Variants in TTC28 observed in about 807,000 individuals in gnomAD.
TTC28 encodes the protein tetratricopeptide repeat domain 28, also known as tetratricopeptide repeat protein 28.
Under a neutral mutation model 198.0 loss-of-function variants are expected in TTC28, and 61 were observed. The observed-to-expected ratio is 0.31, with a 90% CI of 0.25 to 0.38. The LOEUF is 0.38. Ranked by LOEUF, TTC28 falls within the 10% of genes least tolerant of loss-of-function variation. The pLI is 1.00. For synonymous variants in TTC28, 1,171 were observed against 1,297.8 expected (o/e 0.90, Z 2.10); for missense variants, 2,678 against 3,164.0 (o/e 0.85, Z 3.69).
chr22:28,490,106 G>C (rs897970920), intron 2 of TTC28, among the ~76,000 whole-genome samples: 4 of 152,124 alleles, frequency 2.6e-5, no homozygotes, highest in Admixed American at 2.0e-4. Context: ...CATCTGATTA[G>C]ATGGTGCCCA....
At chr22:28,471,219 T>G (rs1471745677) in intron 2 of TTC28, among the ~76,000 whole-genome samples, 1 of 152,218 alleles carries the variant, frequency 6.6e-6, no homozygotes, top group African/African-American at 2.4e-5. Context: ...AAAACCATTA[T>G]CCTTCCATGT....
rs1601652647 is a variant in TTC28, at chr22:28,338,014, G to A, written c.382-31371C>T. On this transcript the variant is annotated intron_variant, in intron 2 of 22. Coordinates refer to ENST00000397906, the MANE Select transcript of TTC28 (RefSeq NM_001145418.2). ...TTTCCATGTTTAGTGCTTCCTTCAGGAGCTCTTTTAGGGCAGGCCTGGTGG... is the reference window on the plus strand; with the variant it reads ...TTTCCATGTTTAGTGCTTCCTTCAGAAGCTCTTTTAGGGCAGGCCTGGTGG... Among the ~76,000 whole-genome samples, 3 of 152,110 alleles carry A rather than the reference G, an allele frequency of 2.0e-5. No individual in the cohort carries two copies. The South Asian group carries it at 6.3e-4, about 32-fold the overall frequency.
At chr22:28,619,008 C>A (rs1398418717) in intron 2 of TTC28, among the ~76,000 whole-genome samples, 1 of 151,888 alleles carries the variant, frequency 6.6e-6, no homozygotes, top group Non-Finnish European at 1.5e-5. Context: ...AATACCTGAA[C>A]AGAATGCTTT....
chr22:28,160,814 G>C (rs1356816426), intron 6 of TTC28, among the ~76,000 whole-genome samples: 1 of 152,084 alleles, frequency 6.6e-6, no homozygotes, highest in East Asian at 1.9e-4. Context: ...ACAAAACTAA[G>C]TGCCACTTTT....
chr22:28,035,029 C>A (rs1939279237), intron 12 of TTC28, among the ~76,000 whole-genome samples: 1 of 152,170 alleles, frequency 6.6e-6, no homozygotes, highest in Non-Finnish European at 1.5e-5. Flanking sequence ...GCAAGAGGCT[C>A]CAGATAGGAT....
chr22:28,594,551 T>G (rs1429088305), intron 2 of TTC28, among the ~76,000 whole-genome samples: 1 of 147,960 alleles, frequency 6.8e-6, no homozygotes, highest in East Asian at 1.9e-4. Context: ...ATAATTCATT[T>G]TAAAGTAACA....
rs2051145080 is a variant in TTC28 at position 28,629,894 on chromosome 22, A to G, written c.103-64T>C. The G allele has an allele frequency of 2.9e-6, 4 of 1,397,400 alleles. No homozygotes were observed. The South Asian group carries it at 5.7e-5, about 20-fold the overall frequency. 86.6% of individuals were successfully genotyped at this position (1,397,400 alleles called of 1,614,324 possible). A position where few individuals can be genotyped will look rare whatever the true frequency, so the allele number is the denominator to read the frequency against. ...ATCCAGATGGGTTCCCCATCTGCTA[A>G]GATTTGGATGTCTGTCCCCTCCAGT... is the stretch of plus-strand genomic sequence containing the variant. On this transcript the variant is annotated intron_variant, in intron 1 of 22. Transcript: ENST00000397906.
chr22:27,984,004 G>A (rs892109681), intron 22 of TTC28, among the ~76,000 whole-genome samples, 153 bp from the exon 23 acceptor site: 1 of 152,160 alleles, frequency 6.6e-6, no homozygotes, highest in Non-Finnish European at 1.5e-5. Context: ...CAAAAACATG[G>A]TCCTGTTAGA....
chr22:28,037,651 T>C (rs566920409), intron 12 of TTC28, among the ~76,000 whole-genome samples: 11 of 152,266 alleles, frequency 7.2e-5, no homozygotes, highest in East Asian at 3.9e-4. Context: ...CAACATAGTG[T>C]TGGAAGTTCT....
chr22:28,391,715 G>C (rs932695326), intron 2 of TTC28, among the ~76,000 whole-genome samples: 2 of 152,132 alleles, frequency 1.3e-5, no homozygotes, highest in Non-Finnish European at 2.9e-5. Flanking sequence ...GCACTTCTCT[G>C]TATTGGTTAT....
In TTC28 at chr22:28,286,060, C is replaced by A. The variant is rs533591746; in HGVS notation, c.933+10138G>T. On this transcript the variant is annotated intron_variant, in intron 5 of 22. Transcript: ENST00000397906. The stretch of plus-strand genomic sequence containing the variant: ...TGTCACCCAGGCTGGAGTGCAGTGG[C>A]GTGATCTCGGCTCACCACAAGCTCC... Among the ~76,000 whole-genome samples, 17 of 151,582 alleles carry A rather than the reference C, an allele frequency of 1.1e-4. No homozygotes were observed. In the South Asian group the frequency reaches 2.5e-3, roughly 22 times the overall value.
intron 4 of TTC28, among the ~76,000 whole-genome samples, chr22:28,296,705 C>CA (rs778714315): frequency 6.6e-6 from 1 of 152,138 alleles, no homozygotes; most frequent in East Asian, 1.9e-4. Context: ...TCCAAATCTA[C>CA]AAAAAAATAT....
At chr22:28,060,805 C>T (rs1270862777) in intron 12 of TTC28, among the ~76,000 whole-genome samples, 1 of 152,140 alleles carries the variant, frequency 6.6e-6, no homozygotes, top group South Asian at 2.1e-4. Context: ...TCTCCACATC[C>T]TCTCCAGCAC....
intron 12 of TTC28, among the ~76,000 whole-genome samples, chr22:28,039,398 T>A (rs1240548282): frequency 6.6e-6 from 1 of 152,044 alleles, no homozygotes; most frequent in Non-Finnish European, 1.5e-5. Context: ...GAAACCATCA[T>A]TCTCAGCAAA....
rs1440314297 is a variant in TTC28 at position 28,105,774 on chromosome 22, C to T, written c.2812G>A (p.Val938Met). The T allele has an allele frequency of 2.6e-6, 4 of 1,551,410 alleles. No homozygotes were observed. Among genetic ancestry groups the T allele is most frequent in the Non-Finnish European group, 3.5e-6 (4 of 1,146,890 alleles). The stretch of plus-strand genomic sequence containing the variant: ...ACCACGAGCCTCTTTTCAAAGCACA[C>T]AAGGGCTTGCTGCAAGCTCCCCATT... ...RAMGSLQQAL[V>M]CFEKRLVVAH... The change falls in exon 8 of 23, where the codon GTG becomes ATG. Residue 938 changes from valine (V) to methionine (M), a missense_variant. By Grantham distance (21) the Val-to-Met change is conservative. Coordinates refer to ENST00000397906, the MANE Select transcript of TTC28 (RefSeq NM_001145418.2).
chr22:28,173,369 A>G (rs574575995), intron 5 of TTC28, among the ~76,000 whole-genome samples: 12 of 152,300 alleles, frequency 7.9e-5, no homozygotes, highest in African/African-American at 2.9e-4. Flanking sequence ...ACTAAGGTTC[A>G]TGCTGCCTTT....
At chr22:28,373,496 A>G (rs1257005807) in intron 2 of TTC28, among the ~76,000 whole-genome samples, 1 of 152,210 alleles carries the variant, frequency 6.6e-6, no homozygotes, top group Non-Finnish European at 1.5e-5. Flanking sequence ...GAATCTACAG[A>G]TTGCAACCAC....
rs563769297 is a variant in TTC28, at chr22:28,648,940, G to A, written c.103-19110C>T. Among the ~76,000 whole-genome samples the A allele has an allele frequency of 1.3e-4, 19 of 151,842 alleles. No homozygotes were observed. In the East Asian group the frequency reaches 2.9e-3, roughly 23 times the overall value. On this transcript the variant is annotated intron_variant, in intron 1 of 22. Coordinates refer to ENST00000397906, the MANE Select transcript of TTC28 (RefSeq NM_001145418.2). ...AAGAAAGAAAAGAAAAGGAGAGAGA[G>A]AGAGAGAGAAAGAAAGGAAAGAAAA...
chr22:28,312,767 C>T (rs1034066395), intron 2 of TTC28, among the ~76,000 whole-genome samples: 2 of 152,080 alleles, frequency 1.3e-5, no homozygotes, highest in Non-Finnish European at 1.5e-5. Context: ...CAGGAGAGAT[C>T]TAAAATCGAT....
Sources: allele counts gnomAD v4.1 joint callset (sites outside exome capture counted in the v4.1 genomes callset), GRCh38; gene constraint gnomAD v4.1.1; transcripts MANE v1.5; gene names NCBI Gene and HGNC (gene_info 2026-07-23, HGNC 2026-07-21).